PRKCH: variants seen among roughly 807,000 people sequenced by gnomAD.
PRKCH encodes protein kinase C eta.
PRKCH carries 28 observed loss-of-function variants against 82.5 expected under a neutral mutation model. The ratio of observed to expected loss-of-function variants is 0.34; its 90% CI spans 0.25 to 0.47. The LOEUF is 0.47. Among genes scored for constraint, PRKCH ranks in the 20% least tolerant of loss-of-function variants. PRKCH has a pLI of 1.00. For missense variants in PRKCH, 705 were observed against 881.8 expected, an observed-to-expected ratio of 0.80 and a Z score of 2.54; for synonymous variants, 322 against 327.4, an observed-to-expected ratio of 0.98 and a Z score of 0.18.
At chr14:61,418,252 C>T (rs1395643251) in intron 2 of PRKCH, among the ~76,000 whole-genome samples, 6 of 152,218 alleles carry the variant, frequency 3.9e-5, no homozygotes, top group African/African-American at 1.2e-4. Context: ...AGGTCGAGCT[C>T]ATTCATTCAG....
chr14:61,469,993 G>A (rs1487418819), intron 9 of PRKCH, among the ~76,000 whole-genome samples: 1 of 151,758 alleles, frequency 6.6e-6, no homozygotes, highest in Non-Finnish European at 1.5e-5. Context: ...TGAACAGATT[G>A]TTCATCTTAT....
At chr14:61,387,036 T>C (rs773481060) in intron 1 of PRKCH, among the ~76,000 whole-genome samples, 5 of 152,206 alleles carry the variant, frequency 3.3e-5, no homozygotes, top group Non-Finnish European at 7.3e-5. Context: ...CCCTCTTTGT[T>C]GGCTTCATTC....
intron 1 of PRKCH, among the ~76,000 whole-genome samples, chr14:61,203,854 T>A (rs950169360): frequency 6.6e-6 from 1 of 151,812 alleles, no homozygotes; most frequent in Admixed American, 6.6e-5. Context: ...ATAATAATAA[T>A]AATAATATAT....
At chr14:61,457,385 G>A (rs1884823936) in intron 8 of PRKCH, 66 bp downstream of exon 8, 3 of 1,598,744 alleles carry the variant, frequency 1.9e-6, no homozygotes, top group Non-Finnish European at 1.7e-6. Context: ...GTGTGTGTGT[G>A]TGTGCACGCA....
At chr14:61,450,409 C>CTT (rs1566889277) in intron 5 of PRKCH, among the ~76,000 whole-genome samples, 1 of 152,146 alleles carries the variant, frequency 6.6e-6, no homozygotes, top group South Asian at 2.1e-4. Context: ...TGAGTCTCTT[C>CTT]TTTTTATTTT....
chr14:61,374,436 C>T (rs982359464), intron 1 of PRKCH, among the ~76,000 whole-genome samples: 3 of 152,104 alleles, frequency 2.0e-5, no homozygotes, highest in African/African-American at 7.3e-5. Context: ...CCCACATTTC[C>T]CCTTTGCAGT....
At chr14:61,444,441 T>C (rs567852616) in intron 3 of PRKCH, among the ~76,000 whole-genome samples, 1 of 149,530 alleles carries the variant, frequency 6.7e-6, no homozygotes, top group East Asian at 2.0e-4. Context: ...TCTGTTTCTT[T>C]TACATGACCT....
At chr14:61,519,548 G>A (rs943445003) in intron 10 of PRKCH, among the ~76,000 whole-genome samples, 1 of 152,116 alleles carries the variant, frequency 6.6e-6, no homozygotes, top group Non-Finnish European at 1.5e-5. Context: ...TTTCTGGGCT[G>A]GAAATTGTTT....
intron 7 of PRKCH, among the ~76,000 whole-genome samples, chr14:61,454,485 T>G (rs59857491): frequency 0.09 from 13,714 of 152,228 alleles, 1,533 homozygotes; most frequent in East Asian, 0.26. Context: ...TATGCTTTTG[T>G]CTGGGGACCA....
intron 1 of PRKCH, among the ~76,000 whole-genome samples, chr14:61,207,655 C>T (rs999762853): frequency 3.3e-5 from 5 of 152,136 alleles, no homozygotes; most frequent in Non-Finnish European, 7.4e-5. Flanking sequence ...CTAGTGTCTG[C>T]TAAGGGCTAT....
At chr14:61,301,647 G>C (rs767956021) in intron 1 of PRKCH, among the ~76,000 whole-genome samples, 3 of 152,198 alleles carry the variant, frequency 2.0e-5, no homozygotes, top group Admixed American at 6.5e-5. Context: ...TTGGAGACCA[G>C]CCTGGTCAAC....
Position 61,326,452 on chromosome 14 carries a change from C to T in PRKCH, c.363+3988C>T, listed in dbSNP as rs562905850. ...GAGTGGAGGTAAGGGAGGTGGATTA[C>T]AAAGGAGGCAGAAACTTTTAGGGGA... On this transcript the variant is annotated intron_variant, in intron 1 of 13. Transcript: ENST00000332981. 2.6e-4 allele frequency among the ~76,000 whole-genome samples: 39 copies of T among 152,194 alleles called. No individual in the cohort carries two copies. The South Asian group carries it at 3.9e-3, about 15-fold the overall frequency.
intron 1 of PRKCH, among the ~76,000 whole-genome samples, chr14:61,290,644 G>C (rs1566808800): frequency 6.6e-6 from 1 of 152,196 alleles, no homozygotes; most frequent in Admixed American, 6.5e-5. Context: ...GTTTGAACAA[G>C]GATTCTGTGG....
chr14:61,241,152 C>T (rs185257993), intron 1 of PRKCH, among the ~76,000 whole-genome samples: 1 of 152,270 alleles, frequency 6.6e-6, no homozygotes, highest in African/African-American at 2.4e-5. Context: ...GAAATACTTA[C>T]TTACATTTAC....
chr14:61,472,369 C>T (rs1885543177), intron 9 of PRKCH, among the ~76,000 whole-genome samples: 1 of 152,210 alleles, frequency 6.6e-6, no homozygotes, highest in Admixed American at 6.5e-5. Flanking sequence ...GAAAAGCATC[C>T]TCCCAAACCT....
chr14:61,369,597 T>C (rs1305025043), intron 1 of PRKCH, among the ~76,000 whole-genome samples: 2 of 152,138 alleles, frequency 1.3e-5, no homozygotes, highest in African/African-American at 4.8e-5. Context: ...GTTTACACAA[T>C]ATAAGTTCCT....
At chr14:61,368,810 A>T (rs1322555340) in intron 1 of PRKCH, among the ~76,000 whole-genome samples, 4 of 152,118 alleles carry the variant, frequency 2.6e-5, no homozygotes, top group African/African-American at 9.7e-5. Context: ...TACCCTTTGA[A>T]AATGACATTT....
chr14:61,540,933 G>A (rs1388113853), intron 12 of PRKCH, among the ~76,000 whole-genome samples: 1 of 152,256 alleles, frequency 6.6e-6, no homozygotes, highest in Non-Finnish European at 1.5e-5. Flanking sequence ...TTTCCCCAGA[G>A]AGATTCAGGA....
intron 10 of PRKCH, among the ~76,000 whole-genome samples, chr14:61,528,539 A>G (rs1442163354): frequency 6.6e-6 from 1 of 152,128 alleles, no homozygotes; most frequent in East Asian, 1.9e-4. Flanking sequence ...ATAATGGTGA[A>G]CCGCATAAAC....
Sources: gnomAD v4.1 joint callset for allele counts (sites outside exome capture counted in the v4.1 genomes callset) on GRCh38, gnomAD v4.1.1 for gene constraint, MANE v1.5 for transcripts, NCBI Gene and HGNC (gene_info 2026-07-23, HGNC 2026-07-21) for gene names.